Variants in NUDCD1 observed in about 807,000 individuals in gnomAD.
NUDCD1 encodes nudC domain-containing protein 1.
Under a neutral mutation model 67.8 loss-of-function variants are expected in NUDCD1, and 60 were observed. The ratio of observed to expected loss-of-function variants is 0.88; its 90% CI spans 0.72 to 1.10. The LOEUF (loss-of-function observed/expected upper bound fraction) is 1.10. Among genes scored for constraint, NUDCD1 ranks in the 50% least tolerant of loss-of-function variants. NUDCD1 has a pLI of 0.00. For missense variants in NUDCD1, 643 were observed against 695.0 expected (o/e 0.93, Z 0.84); for synonymous variants, 244 against 230.8 (o/e 1.06, Z -0.52).
chr8:109,282,236 T>C (rs1015806138), intron 5 of NUDCD1, among the ~76,000 whole-genome samples: 1 of 152,110 alleles, frequency 6.6e-6, no homozygotes. Context: ...AATCAGCCCA[T>C]TGCCTGAGGC....
intron 2 of NUDCD1, among the ~76,000 whole-genome samples, chr8:109,319,996 G>A (rs1815495023): frequency 6.6e-6 from 1 of 152,146 alleles, no homozygotes; most frequent in Admixed American, 6.5e-5. Context: ...TTTTCAAAAG[G>A]GGAGGGAGTG....
chr8:109,275,731 A>G (rs1342607173), intron 6 of NUDCD1, among the ~76,000 whole-genome samples: 3 of 152,212 alleles, frequency 2.0e-5, no homozygotes, highest in Admixed American at 6.5e-5. Context: ...TGGTACATCA[A>G]ATGGCCTGAA....
At chr8:109,314,081 G>A (rs567774906) in intron 2 of NUDCD1, among the ~76,000 whole-genome samples, 2 of 152,184 alleles carry the variant, frequency 1.3e-5, no homozygotes, top group East Asian at 1.9e-4. Context: ...CCAAAATATA[G>A]CATTTACTTA....
At position 109,296,406 on chromosome 8, in the gene NUDCD1, T is replaced by C. The variant is rs1270251202; in HGVS notation, c.437A>G (p.Asn146Ser). The C allele has an allele frequency of 6.2e-7, 1 of 1,613,516 alleles. No homozygotes were observed. Among genetic ancestry groups the C allele is most frequent in the East Asian group, 2.2e-5 (1 of 44,858 alleles). ...LYVIGTGERG[N>S]SASEKWEIMF... ...CACCTCCCATTTTTCAGAAGCGCTA[T>C]TTCCACGTTCACCTGTTCCAATGAC... The change falls in exon 3 of 10, where the codon AAT (asparagine) becomes AGT (serine). Residue 146 changes from asparagine to serine, a missense_variant. Asn to Ser is a conservative substitution (Grantham distance 46). Coordinates refer to ENST00000239690, the MANE Select transcript of NUDCD1 (RefSeq NM_032869.4).
intron 8 of NUDCD1, among the ~76,000 whole-genome samples, chr8:109,260,002 T>G (rs1813828532): frequency 6.6e-6 from 1 of 152,074 alleles, no homozygotes; most frequent in South Asian, 2.1e-4. Context: ...CAAAAAACAG[T>G]ATGAATATTT....
chr8:109,260,066 A>C (rs921648876), intron 8 of NUDCD1, among the ~76,000 whole-genome samples: 1 of 152,222 alleles, frequency 6.6e-6, no homozygotes. Context: ...CAAATATATA[A>C]ACATTACTCA....
intron 8 of NUDCD1, among the ~76,000 whole-genome samples, chr8:109,250,314 A>G (rs1455841027): frequency 6.6e-6 from 1 of 152,236 alleles, no homozygotes; most frequent in Non-Finnish European, 1.5e-5. Flanking sequence ...GCTACTTCTT[A>G]GGTTGGCCAG....
chr8:109,250,832 T>G (rs1194834283), intron 8 of NUDCD1, among the ~76,000 whole-genome samples: 1 of 152,232 alleles, frequency 6.6e-6, no homozygotes, highest in Non-Finnish European at 1.5e-5. Flanking sequence ...TTGGTCATAA[T>G]GTAATTTTCC....
chr8:109,279,646 T>C (rs76170012), intron 6 of NUDCD1, among the ~76,000 whole-genome samples: 3,682 of 151,344 alleles, frequency 0.024, 139 homozygotes, highest in African/African-American at 0.084. Context: ...ATTTCTTTCT[T>C]TTTTTTTTGA....
At chr8:109,316,093 T>C (rs1815387719) in intron 2 of NUDCD1, 1 of 152,140 alleles carries the variant, frequency 6.6e-6, no homozygotes, top group Non-Finnish European at 1.5e-5. Flanking sequence ...AACAAATTAT[T>C]ACAGAAATAA....
intron 8 of NUDCD1, among the ~76,000 whole-genome samples, chr8:109,252,770 A>G (rs1813650472): frequency 6.6e-6 from 1 of 152,136 alleles, no homozygotes; most frequent in African/African-American, 2.4e-5. Context: ...TTAGATTTTA[A>G]GCTGTTGGCT....
At chr8:109,282,048 T>G (rs935237371) in intron 5 of NUDCD1, among the ~76,000 whole-genome samples, 2 of 152,120 alleles carry the variant, frequency 1.3e-5, no homozygotes, top group African/African-American at 4.8e-5. Context: ...GTTTCTTAGC[T>G]CCACACTTAG....
intron 4 of NUDCD1, 144 bp downstream of exon 4, chr8:109,293,200 A>G (rs1807311270): frequency 2.1e-6 from 1 of 467,204 alleles, no homozygotes; most frequent in Non-Finnish European, 3.8e-6. Context: ...ATCTATACAT[A>G]TTCATTCCAC....
chr8:109,294,017 A>C (rs1814775519), intron 3 of NUDCD1, among the ~76,000 whole-genome samples: 1 of 151,714 alleles, frequency 6.6e-6, no homozygotes, highest in South Asian at 2.1e-4. Flanking sequence ...CATCATATAA[A>C]AACACACAAA....
At chr8:109,283,768 A>C (rs989106814) in intron 5 of NUDCD1, among the ~76,000 whole-genome samples, 1 of 152,132 alleles carries the variant, frequency 6.6e-6, no homozygotes, top group African/African-American at 2.4e-5. Flanking sequence ...TTAACAAGAG[A>C]TCTTTAAGGA....
intron 6 of NUDCD1, among the ~76,000 whole-genome samples, chr8:109,279,676 T>A (rs115098180): frequency 0.024 from 3,688 of 152,252 alleles, 138 homozygotes; most frequent in African/African-American, 0.084. Context: ...TCACTCTTAT[T>A]GCCCAGGGCC....
chr8:109,328,854 A>G (rs1251217141), intron 1 of NUDCD1, among the ~76,000 whole-genome samples: 1 of 152,222 alleles, frequency 6.6e-6, no homozygotes, highest in Non-Finnish European at 1.5e-5. Flanking sequence ...CTGGCATCCA[A>G]TCAAAGATTA....
intron 1 of NUDCD1, 125 bp downstream of exon 1, chr8:109,333,768 G>A (rs1815874644): frequency 4.8e-6 from 5 of 1,031,822 alleles, no homozygotes; most frequent in East Asian, 2.4e-5. Flanking sequence ...GCCTCCGTGA[G>A]TCCACGCAAG....
chr8:109,295,987 T>C (rs1814832719), intron 3 of NUDCD1, among the ~76,000 whole-genome samples: 1 of 152,178 alleles, frequency 6.6e-6, no homozygotes, highest in African/African-American at 2.4e-5. Flanking sequence ...TCTGGTAATC[T>C]GACTACTATT....
Sources: allele counts gnomAD v4.1 joint callset (sites outside exome capture counted in the v4.1 genomes callset), GRCh38; gene constraint gnomAD v4.1.1; transcripts MANE v1.5; gene names NCBI Gene and HGNC (gene_info 2026-07-23, HGNC 2026-07-21).